SRFBP1: variants seen among roughly 807,000 people sequenced by gnomAD.
SRFBP1 encodes the protein serum response factor-binding protein 1.
In SRFBP1, 47 loss-of-function variants were observed where a neutral mutation model predicts 45.5. That is an observed-to-expected ratio of 1.03 (90% CI 0.82 to 1.32). The LOEUF is 1.32. Ranked by LOEUF, SRFBP1 falls within the 40% of genes most tolerant of loss-of-function variation. The probability of loss-of-function intolerance (pLI) is 0.00; values close to 1 mark genes in which losing one functional copy is unlikely to be tolerated. For missense variants in SRFBP1, 621 were observed against 484.6 expected (o/e 1.28, Z -2.64); for synonymous variants, 203 against 166.3 (o/e 1.22, Z -1.70).
At chr5:122,061,570 C>G (rs1458713479) in intron 2 of SRFBP1, among the ~76,000 whole-genome samples, 1 of 151,892 alleles carries the variant, frequency 6.6e-6, no homozygotes, top group African/African-American at 2.4e-5. Flanking sequence ...CTGAAAATTA[C>G]TTAAGTTATG....
At chr5:122,009,791 G>C (rs1396949386) in intron 4 of SRFBP1, among the ~76,000 whole-genome samples, 1 of 151,170 alleles carries the variant, frequency 6.6e-6, no homozygotes, top group Non-Finnish European at 1.5e-5. Flanking sequence ...GTAATGGCAA[G>C]GATAATTCCC....
intron 3 of SRFBP1, among the ~76,000 whole-genome samples, chr5:121,988,675 A>G (rs1752565245): frequency 6.6e-6 from 1 of 152,212 alleles, no homozygotes; most frequent in African/African-American, 2.4e-5. Flanking sequence ...AAGCCACCCA[A>G]AGTGAAAACA....
chr5:122,006,122 T>C (rs1197441639), intron 4 of SRFBP1, among the ~76,000 whole-genome samples: 2 of 152,182 alleles, frequency 1.3e-5, no homozygotes, highest in Non-Finnish European at 2.9e-5. Flanking sequence ...TCTGGGAATG[T>C]TTTTATTTCT....
rs773560754 is a variant in SRFBP1, at chr5:122,020,367, A to G, written c.632A>G (p.Asp211Gly). The change falls in exon 6 of 8, where the codon GAT becomes GGT. Residue 211 changes from aspartate to glycine, a missense_variant. Coordinates refer to ENST00000339397, the MANE Select transcript of SRFBP1 (RefSeq NM_152546.3). ...TCTCCATCAAAGCCTTCAGAAAAGG[A>G]TTCTGTAGTTTCCCTTGAGTCCCAG... The part of the protein sequence containing the change: ...ANSPSKPSEK[D>G]SVVSLESQKT... The G allele has an allele frequency of 1.2e-6, 2 of 1,614,126 alleles. No individual in the cohort carries two copies. The highest frequency in any genetic ancestry group is 1.1e-5 in the South Asian group (1 of 91,084).
chr5:122,049,740 T>C (rs949182708), intron 2 of SRFBP1, among the ~76,000 whole-genome samples: 2 of 152,138 alleles, frequency 1.3e-5, no homozygotes, highest in African/African-American at 4.8e-5. Context: ...AACCGCCAAC[T>C]ACATGGAAAC....
At chr5:121,975,002 T>C (rs1752272513) in intron 2 of SRFBP1, among the ~76,000 whole-genome samples, 1 of 151,948 alleles carries the variant, frequency 6.6e-6, no homozygotes, top group Admixed American at 6.6e-5. Context: ...TATATTACAT[T>C]AAATACAATG....
downstream of SRFBP1, chr5:122,077,872 A>C (rs1428110372): frequency 5.9e-6 from 9 of 1,537,050 alleles, no homozygotes; most frequent in Non-Finnish European, 7.8e-6. The surrounding 1 kb of genome is among the most constrained non-coding windows in gnomAD (Gnocchi z 4.9). Context: ...AGGCGCCCGG[A>C]GCCGCCGGCG....
At chr5:121,982,914 A>G (rs188844075) in intron 3 of SRFBP1, among the ~76,000 whole-genome samples, 1 of 151,824 alleles carries the variant, frequency 6.6e-6, no homozygotes, top group East Asian at 1.9e-4. Context: ...ACCTTAGCCA[A>G]ACATTTCCTA....
At chr5:122,018,409 A>G (rs1165955924) in intron 4 of SRFBP1, among the ~76,000 whole-genome samples, 1 of 152,166 alleles carries the variant, frequency 6.6e-6, no homozygotes, top group Non-Finnish European at 1.5e-5. Context: ...TACATTTGGA[A>G]CCACAGGGTG....
At chr5:122,076,794 A>T (rs1187278101), downstream of SRFBP1, 2 of 1,023,742 alleles carry the variant, frequency 2.0e-6, no homozygotes, top group Non-Finnish European at 3.0e-6. Flanking sequence ...CCCACTTCCT[A>T]ACACTTGTCT....
intron 2 of SRFBP1, 117 bp downstream of exon 2, chr5:121,974,401 A>T: frequency 1.4e-6 from 1 of 695,174 alleles, no homozygotes; most frequent in Non-Finnish European, 2.4e-6. Context: ...CTTATACACC[A>T]TTTTTGTTTT....
downstream of SRFBP1, among the ~76,000 whole-genome samples, chr5:122,032,615 A>C (rs1288377528): frequency 6.6e-6 from 1 of 152,200 alleles, no homozygotes; most frequent in Non-Finnish European, 1.5e-5. Context: ...TCCTCATTTA[A>C]AAAATTGTCT....
chr5:122,077,121 CG>C (rs1754661345), downstream of SRFBP1: 2 of 1,490,146 alleles, frequency 1.3e-6, no homozygotes, highest in African/African-American at 2.8e-5. This position sits in a 1 kb window ranked among gnomAD's most constrained non-coding sequence, Gnocchi z 4.9. Flanking sequence ...CAGAGTGGAG[CG>C]GAGGACAGCA....
At position 121,962,060 on chromosome 5, in the gene SRFBP1, A is replaced by C; in HGVS notation, c.28A>C (p.Asn10His). The C allele has an allele frequency of 6.2e-7, 1 of 1,614,068 alleles. No individual in the cohort carries two copies. Among genetic ancestry groups the C allele is most frequent in the Non-Finnish European group, 8.5e-7 (1 of 1,180,004 alleles). The change falls in exon 1 of 8, where the codon AAT becomes CAT. Residue 10 changes from asparagine to histidine, a missense_variant. Asn to His is a moderately conservative substitution (Grantham distance 68). Coordinates refer to ENST00000339397, the MANE Select transcript of SRFBP1 (RefSeq NM_152546.3). MAQPGTLNL[N>H]NEVVKMRKEV... is the part of the protein sequence containing the mutation. ...GGCTCAGCCGGGAACTCTGAACCTC[A>C]ATAACGAGGTGAGCGCCGAGGAACC... is the stretch of plus-strand genomic sequence containing the variant.
chr5:122,007,393 T>C (rs954091955), intron 4 of SRFBP1, among the ~76,000 whole-genome samples: 1 of 150,692 alleles, frequency 6.6e-6, no homozygotes, highest in Non-Finnish European at 1.5e-5. Context: ...TGGCTGGGTA[T>C]CAAGGCCAGC....
At chr5:121,962,095 G>A (rs754368943) in intron 1 of SRFBP1, 27 bp downstream of exon 1, 1 of 1,613,592 alleles carries the variant, frequency 6.2e-7, no homozygotes, top group Non-Finnish European at 8.5e-7. Context: ...CTATGGGGCT[G>A]ACTTTAAGGG....
intron 2 of SRFBP1, among the ~76,000 whole-genome samples, chr5:122,034,572 A>G (rs1263867393): frequency 1.3e-5 from 2 of 151,414 alleles, no homozygotes; most frequent in Non-Finnish European, 2.9e-5. Context: ...TTCTCTTCCT[A>G]TTTTTAGTTG....
At chr5:122,036,944 G>C (rs761131202) in intron 2 of SRFBP1, among the ~76,000 whole-genome samples, 130 of 151,346 alleles carry the variant, frequency 8.6e-4, no homozygotes, top group Non-Finnish European at 1.6e-3. Context: ...GCCCAGGCTG[G>C]AGTGCAATGG....
intron 2 of SRFBP1, among the ~76,000 whole-genome samples, chr5:122,071,492 C>T (rs1385272717): frequency 2.6e-5 from 4 of 152,094 alleles, no homozygotes; most frequent in African/African-American, 9.7e-5. Flanking sequence ...ACTCCACTTG[C>T]TAAAATATTC....
Sources: allele counts gnomAD v4.1 joint callset (sites outside exome capture counted in the v4.1 genomes callset), GRCh38; gene constraint gnomAD v4.1.1; non-coding constraint Gnocchi (gnomAD v3.1); transcripts MANE v1.5; gene names NCBI Gene and HGNC (gene_info 2026-07-23, HGNC 2026-07-21).